Variants in LMF1 observed in about 807,000 individuals in gnomAD.
The protein encoded by LMF1 is transmembrane protein 112.
LMF1 carries 68 observed loss-of-function variants against 60.6 expected under a neutral mutation model. That is an observed-to-expected ratio of 1.12 (90% CI 0.92 to 1.37). The LOEUF (loss-of-function observed/expected upper bound fraction) is 1.37, where lower values mean the gene tolerates loss of function less well. LMF1 is among the 40% of genes most tolerant of loss of function. The pLI, the probability that LMF1 is intolerant of heterozygous loss-of-function variation, is 0.00. For synonymous variants in LMF1, 418 were observed against 324.7 expected (o/e 1.29, Z -3.09); for missense variants, 948 against 767.2 (o/e 1.24, Z -2.78).
intron 1 of LMF1, among the ~76,000 whole-genome samples, chr16:956,770 G>C (rs2072713789): frequency 6.6e-6 from 1 of 151,618 alleles, no homozygotes; most frequent in African/African-American, 2.4e-5. Flanking sequence ...CTTGAACCTG[G>C]GAGGTGGAGG....
At chr16:918,799 G>A (rs908156809) in intron 3 of LMF1, among the ~76,000 whole-genome samples, 11 of 151,884 alleles carry the variant, frequency 7.2e-5, no homozygotes, top group East Asian at 3.9e-4. Context: ...CGGGGCCGAC[G>A]TCCCGGGGCG....
intron 10 of LMF1, among the ~76,000 whole-genome samples, chr16:861,697 G>T (rs1277380796): frequency 6.6e-6 from 1 of 152,162 alleles, no homozygotes; most frequent in Non-Finnish European, 1.5e-5. Flanking sequence ...GATACCTTGG[G>T]ATTTCCTACA....
chr16:946,548 C>T (rs766115038), intron 2 of LMF1, among the ~76,000 whole-genome samples: 25 of 152,204 alleles, frequency 1.6e-4, no homozygotes, highest in Non-Finnish European at 3.1e-4. Context: ...GTGTGAGGCC[C>T]GGACAGTCCT....
intron 10 of LMF1, among the ~76,000 whole-genome samples, chr16:864,564 G>A (rs2069559728): frequency 6.6e-6 from 1 of 152,006 alleles, no homozygotes; most frequent in Non-Finnish European, 1.5e-5. Context: ...TACGACGGAT[G>A]TTTGGTAGGT....
chr16:958,593 G>A (rs185526032), intron 1 of LMF1, among the ~76,000 whole-genome samples: 2 of 152,100 alleles, frequency 1.3e-5, no homozygotes, highest in Admixed American at 6.5e-5. Context: ...GCTTGAAAAC[G>A]GACAGTGCCC....
At chr16:928,159 T>C (rs184210627) in intron 3 of LMF1, among the ~76,000 whole-genome samples, 213 of 152,342 alleles carry the variant, frequency 1.4e-3, no homozygotes, top group African/African-American at 4.9e-3. Context: ...GGAGCGCCCG[T>C]TGCTGCTGAG....
At chr16:893,421 C>G (rs189394911) in intron 4 of LMF1, 7 of 466,274 alleles carry the variant, frequency 1.5e-5, no homozygotes, top group Non-Finnish European at 3.0e-5. Flanking sequence ...TGCACAGACC[C>G]CACGGACAGT....
At chr16:902,017 C>G (rs1014693511) in intron 4 of LMF1, 1 of 152,582 alleles carries the variant, frequency 6.6e-6, no homozygotes, top group African/African-American at 2.4e-5. Context: ...TACAGCCAGC[C>G]TGGCCACCAG....
Position 879,656 on chromosome 16 carries a change from G to A in LMF1, c.811C>T (p.His271Tyr), listed in dbSNP as rs542483119. ...AAGGGCACCAGGAGCTCGATGAAGT[G>A]GTTGCTGAGCGTCTCGAAGCGATGG... ...WFHRFETLSN[H>Y]FIELLVPFFL... The change falls in exon 6 of 11, where the codon CAC (histidine) becomes TAC (tyrosine). Residue 271 changes from histidine to tyrosine, a missense_variant. His to Tyr is a moderately conservative substitution (Grantham distance 83). Coordinates refer to ENST00000262301, the MANE Select transcript of LMF1 (RefSeq NM_022773.4). 1 of 1,612,844 alleles carries A rather than the reference G, an allele frequency of 6.2e-7. No homozygotes were observed. The highest frequency in any genetic ancestry group is 8.5e-7 in the Non-Finnish European group (1 of 1,179,544).
upstream of LMF1, chr16:981,436 C>A (rs1407160418): frequency 3.5e-6 from 1 of 286,524 alleles, no homozygotes; most frequent in African/African-American, 2.5e-5. Flanking sequence ...AGCGTCAGGA[C>A]GGGGGGCGGA....
intron 5 of LMF1, among the ~76,000 whole-genome samples, chr16:882,190 C>T (rs111750887): frequency 0.023 from 3,527 of 152,286 alleles, 138 homozygotes; most frequent in African/African-American, 0.08. Context: ...GTGATAAAGA[C>T]GGTGACAAAT....
At chr16:856,955 C>A (rs1327464079) in intron 10 of LMF1, among the ~76,000 whole-genome samples, 3 of 152,260 alleles carry the variant, frequency 2.0e-5, no homozygotes, top group African/African-American at 2.4e-5. Flanking sequence ...CGTGTCCTTC[C>A]ACACCCTCCC....
At chr16:896,361 G>A (rs1449488846) in intron 4 of LMF1, among the ~76,000 whole-genome samples, 1 of 152,254 alleles carries the variant, frequency 6.6e-6, no homozygotes, top group Non-Finnish European at 1.5e-5. Context: ...GGGTCTTGCT[G>A]TACGTCCCTG....
At chr16:920,203 C>A (rs2071396488) in intron 3 of LMF1, among the ~76,000 whole-genome samples, 1 of 151,556 alleles carries the variant, frequency 6.6e-6, no homozygotes, top group African/African-American at 2.4e-5. Flanking sequence ...CTGGCCCTGG[C>A]CCGTTGGCTC....
intron 2 of LMF1, among the ~76,000 whole-genome samples, chr16:935,767 G>GTGT (rs2071924466): frequency 1.3e-5 from 2 of 152,058 alleles, no homozygotes; most frequent in African/African-American, 4.8e-5. Context: ...ACAGGGTGTG[G>GTGT]GACGGCCCTC....
intron 9 of LMF1, 55 bp from the exon 10 acceptor site, chr16:869,111 C>T: frequency 1.0e-5 from 12 of 1,173,552 alleles, no homozygotes; most frequent in Non-Finnish European, 1.5e-5. Flanking sequence ...CCAGGCACAG[C>T]CCCTCCGGAC....
chr16:892,995 C>A lies in LMF1; in HGVS notation c.729+12G>T, dbSNP rs751225707. ...CCGGGTGCCCTGCCCTCACGCTGCA[C>A]GGCACGCTCACCTCATAGTGGAAGT... On this transcript the variant is annotated intron_variant, in intron 5 of 10. Coordinates refer to ENST00000262301, the MANE Select transcript of LMF1 (RefSeq NM_022773.4). 1 of 1,544,100 alleles carries A rather than the reference C, an allele frequency of 6.5e-7. No individual in the cohort carries two copies. The highest frequency in any genetic ancestry group is 1.2e-5 in the South Asian group (1 of 83,832).
At chr16:855,900 G>C (rs187387927) in intron 10 of LMF1, 4 of 455,908 alleles carry the variant, frequency 8.8e-6, no homozygotes, top group Admixed American at 2.3e-5. Flanking sequence ...GGCTGGCAGG[G>C]TGAGGGCCTC....
intron 10 of LMF1, among the ~76,000 whole-genome samples, chr16:856,290 A>C (rs2069182407): frequency 6.6e-6 from 1 of 152,122 alleles, no homozygotes; most frequent in African/African-American, 2.4e-5. Flanking sequence ...GACTGAGGCC[A>C]GGTGGTGCCA....
Sources: allele counts gnomAD v4.1 joint callset (sites outside exome capture counted in the v4.1 genomes callset), GRCh38; gene constraint gnomAD v4.1.1; transcripts MANE v1.5; gene names NCBI Gene and HGNC (gene_info 2026-07-23, HGNC 2026-07-21).